FGD6: variants seen among roughly 807,000 people sequenced by gnomAD.
FGD6 encodes FYVE, RhoGEF and PH domain containing 6, also known as FYVE, RhoGEF and PH domain-containing protein 6.
A neutral mutation model predicts 149.4 loss-of-function variants in FGD6; 90 were observed. The observed-to-expected ratio is 0.60, with a 90% CI of 0.51 to 0.72. The LOEUF (loss-of-function observed/expected upper bound fraction) is 0.72, where lower values mean the gene tolerates loss of function less well. Ranked by LOEUF, FGD6 falls within the 30% of genes least tolerant of loss-of-function variation. FGD6 has a pLI of 0.00. For missense variants in FGD6, 1,437 were observed against 1,684.8 expected (o/e 0.85, Z 2.57); for synonymous variants, 527 against 584.0 (o/e 0.90, Z 1.41).
At chr12:95,156,795 T>C (rs1342740376) in intron 3 of FGD6, among the ~76,000 whole-genome samples, 1 of 152,146 alleles carries the variant, frequency 6.6e-6, no homozygotes, top group African/African-American at 2.4e-5. Context: ...TTCTGTACTC[T>C]ATCCCTTTAT....
At chr12:95,121,450 C>CA (rs1326575097) in intron 8 of FGD6, among the ~76,000 whole-genome samples, 39,441 of 105,422 alleles carry the variant, frequency 0.37, 7,343 homozygotes, top group Middle Eastern at 0.55. Flanking sequence ...AATTCCGTCT[C>CA]AAAAAAAAAA....
chr12:95,197,346 A>C (rs1472116369), intron 2 of FGD6, among the ~76,000 whole-genome samples: 1 of 152,012 alleles, frequency 6.6e-6, no homozygotes, highest in East Asian at 1.9e-4. Flanking sequence ...GCTGAGGCAG[A>C]AGAATCGCTT....
intron 2 of FGD6, among the ~76,000 whole-genome samples, chr12:95,203,093 A>T (rs1198544117): frequency 2.0e-5 from 3 of 152,202 alleles, no homozygotes; most frequent in African/African-American, 7.2e-5. Context: ...AGGTTTCCTG[A>T]TTTACAATGA....
chr12:95,208,552 C>A (rs1367285072), intron 2 of FGD6, among the ~76,000 whole-genome samples: 3 of 152,166 alleles, frequency 2.0e-5, no homozygotes, highest in Non-Finnish European at 4.4e-5. Flanking sequence ...GAGCTGGTGT[C>A]TGGAGGCCCA....
intron 1 of FGD6, among the ~76,000 whole-genome samples, chr12:95,214,134 A>C (rs1324226118): frequency 6.6e-6 from 1 of 152,218 alleles, no homozygotes; most frequent in Admixed American, 6.5e-5. Context: ...ATAAGACACA[A>C]GCTCCAGAAG....
At chr12:95,199,625 T>C (rs1022588655) in intron 2 of FGD6, among the ~76,000 whole-genome samples, 3 of 151,032 alleles carry the variant, frequency 2.0e-5, no homozygotes, top group African/African-American at 7.3e-5. Context: ...TTTTTTTTTT[T>C]TTTTTTTGAG....
chr12:95,192,037 T>C (rs1314317420), intron 2 of FGD6, among the ~76,000 whole-genome samples: 1 of 152,250 alleles, frequency 6.6e-6, no homozygotes, highest in Non-Finnish European at 1.5e-5. Context: ...TCCTCCTGTA[T>C]ACTTTAAATC....
chr12:95,124,124 C>G (rs1879268957), intron 8 of FGD6, among the ~76,000 whole-genome samples: 1 of 150,648 alleles, frequency 6.6e-6, no homozygotes, highest in East Asian at 2.0e-4. Context: ...GTTGCCCAGG[C>G]TGGTCTTGAA....
At chr12:95,137,479 CAAAA>C (rs1440967331) in intron 7 of FGD6, 39 bp downstream of exon 7, 5 of 1,419,210 alleles carry the variant, frequency 3.5e-6, no homozygotes, top group Non-Finnish European at 4.6e-6. Context: ...GCTTCAACAA[CAAAA>C]AGAAAGAGAA....
intron 8 of FGD6, among the ~76,000 whole-genome samples, chr12:95,129,845 GT>G (rs796948324): frequency 2.0e-5 from 3 of 150,732 alleles, no homozygotes; most frequent in African/African-American, 7.3e-5. Flanking sequence ...GCTAATTTTT[GT>G]TTTTTTTTGT....
chr12:95,124,594 T>C (rs1220764864), intron 8 of FGD6, among the ~76,000 whole-genome samples: 1 of 152,128 alleles, frequency 6.6e-6, no homozygotes, highest in African/African-American at 2.4e-5. Context: ...ACAGAGGCAA[T>C]TGGTTACTTG....
At chr12:95,213,628 G>A (rs151121253) in intron 1 of FGD6, among the ~76,000 whole-genome samples, 1 of 151,746 alleles carries the variant, frequency 6.6e-6, no homozygotes, top group East Asian at 1.9e-4. Context: ...GAAGCTTTAG[G>A]GTCATTTAAA....
chr12:95,183,038 C>CT (rs1881329026), intron 2 of FGD6, among the ~76,000 whole-genome samples: 1 of 152,236 alleles, frequency 6.6e-6, no homozygotes, highest in Admixed American at 6.5e-5. Context: ...ACGCTATGCT[C>CT]TTGATTGTGA....
At chr12:95,134,926 C>G (rs1432654327) in intron 7 of FGD6, 100 bp from the exon 8 acceptor site, 3 of 843,658 alleles carry the variant, frequency 3.6e-6, no homozygotes, top group Non-Finnish European at 5.6e-6. Context: ...TCAAGCAACT[C>G]TGGAAGGAGA....
intron 3 of FGD6, among the ~76,000 whole-genome samples, chr12:95,168,415 G>C (rs1197631222): frequency 6.6e-6 from 1 of 152,172 alleles, no homozygotes; most frequent in East Asian, 1.9e-4. Context: ...TGTAATCCCG[G>C]CACTTTGGGA....
chr12:95,174,311 C>G (rs1881070283), intron 2 of FGD6, among the ~76,000 whole-genome samples: 2 of 152,122 alleles, frequency 1.3e-5, no homozygotes, highest in African/African-American at 4.8e-5. Context: ...TAGGATCCAA[C>G]CATATAGCTA....
chr12:95,091,748 G>A lies in FGD6; in HGVS notation c.3809C>T (p.Ala1270Val), dbSNP rs1878060392. 1 of 1,613,420 alleles carries A rather than the reference G, an allele frequency of 6.2e-7. No individual in the cohort carries two copies. The highest frequency in any genetic ancestry group is 1.3e-5 in the African/African-American group (1 of 74,984). Residue 1270 changes from alanine (A) to valine (V), a missense_variant, in exon 17 of 21, where the codon GCA (alanine) becomes GTA (valine). By Grantham distance (64) the Ala-to-Val change is moderately conservative. Transcript: ENST00000343958. The stretch of plus-strand genomic sequence containing the variant: ...TTGGAAACAATGTTCACATACTCTT[G>A]CTGGTTGATTTTTCAGGTAATCTAA... ...YGLDYLKNQPARVCEHCFQEL... is the reference protein window; with the variant it reads ...YGLDYLKNQPVRVCEHCFQEL...
In FGD6 at chr12:95,079,844, C is replaced by T. The variant is rs980863962; in HGVS notation, c.*1676G>A. The stretch of plus-strand genomic sequence containing the variant: ...AGGCACTCAGTAATCCTCATGGTTG[C>T]TGTTAAGGATCACACTGAATTAGGA... On this transcript the variant is annotated 3_prime_UTR_variant, in exon 21 of 21. Transcript: ENST00000343958. The T allele has an allele frequency of 8.6e-5, 13 of 151,820 alleles. No homozygotes were observed. The highest frequency in any genetic ancestry group is 2.9e-4 in the African/African-American group (12 of 41,306). The allele number at this position is 151,820 out of a possible 1,614,324, so 9.4% of individuals were successfully genotyped here.
intron 1 of FGD6, among the ~76,000 whole-genome samples, chr12:95,213,341 G>A (rs1181318586): frequency 6.6e-6 from 1 of 152,148 alleles, no homozygotes; most frequent in Non-Finnish European, 1.5e-5. Flanking sequence ...CACCTTGGGA[G>A]GGCAAGGTGG....
Sources: gnomAD v4.1 joint callset for allele counts (sites outside exome capture counted in the v4.1 genomes callset) on GRCh38, gnomAD v4.1.1 for gene constraint, MANE v1.5 for transcripts, NCBI Gene and HGNC (gene_info 2026-07-23, HGNC 2026-07-21) for gene names.